Variants in PLCH2 observed in about 807,000 individuals in gnomAD.
PLCH2 encodes phospholipase C eta 2, also known as 1-phosphatidylinositol 4,5-bisphosphate phosphodiesterase eta-2.
In PLCH2, 98 loss-of-function variants were observed where a neutral mutation model predicts 134.7. That is an observed-to-expected ratio of 0.73 (90% confidence interval 0.62 to 0.86). The LOEUF (loss-of-function observed/expected upper bound fraction) is 0.86. PLCH2 is among the 40% of genes least tolerant of loss of function. The pLI is 0.00. For synonymous variants in PLCH2, 974 were observed against 827.5 expected (o/e 1.18, Z -3.04); for missense variants, 1,994 against 1,986.6 (o/e 1.00, Z -0.07).
At chr1:2,499,576 G>A (rs1643098457) in intron 19 of PLCH2, 65 bp from the exon 20 acceptor site, 1 of 1,211,018 alleles carries the variant, frequency 8.3e-7, no homozygotes, top group Non-Finnish European at 1.2e-6. Flanking sequence ...TAGAATGGGG[G>A]GCAGAGCAGG....
intron 21 of PLCH2, chr1:2,503,491 C>T (rs1643351125): frequency 3.1e-6 from 2 of 640,546 alleles, no homozygotes; most frequent in African/African-American, 3.6e-5. Context: ...TGAAGCACCC[C>T]ACTAGAAGGG....
intron 2 of PLCH2, among the ~76,000 whole-genome samples, chr1:2,460,742 G>A (rs991200608): frequency 6.6e-6 from 1 of 152,138 alleles, no homozygotes; most frequent in African/African-American, 2.4e-5. Context: ...CTGCCTGTGG[G>A]GCCAAGGCTG....
chr1:2,484,768 GC>G (rs1642202300), intron 5 of PLCH2, 150 bp downstream of exon 5: 3 of 821,692 alleles, frequency 3.7e-6, no homozygotes, highest in African/African-American at 1.7e-5. Flanking sequence ...TCATGCCCCT[GC>G]TCTGAGATGG....
intron 5 of PLCH2, among the ~76,000 whole-genome samples, chr1:2,485,677 C>T (rs967326726): frequency 2.0e-5 from 3 of 152,048 alleles, no homozygotes; most frequent in Non-Finnish European, 4.4e-5. Context: ...CTACTGGCCT[C>T]GGCCTGGGGG....
At chr1:2,488,816 AG>A (rs879823138) in intron 8 of PLCH2, among the ~76,000 whole-genome samples, 23 of 152,212 alleles carry the variant, frequency 1.5e-4, no homozygotes, top group Non-Finnish European at 2.5e-4. Flanking sequence ...CTAGGTCAAA[AG>A]GATTCTATTT....
rs765045797 is a variant in PLCH2, at chr1:2,476,620, G to A, written c.32G>A (p.Arg11Gln). 9.1e-5 allele frequency: 146 copies of A among 1,596,314 alleles called. No homozygotes were observed. Among genetic ancestry groups the A allele is most frequent in the Middle Eastern group, 5.5e-4 (3 of 5,468 alleles). The change falls in exon 1 of 22, where the codon CGG becomes CAG. Residue 11 changes from arginine to glutamine, a missense_variant. Physicochemically the swap from Arg to Gln is conservative, Grantham distance 43. Coordinates refer to ENST00000378486, the MANE Select transcript of PLCH2 (RefSeq NM_014638.4). MSGPWPSPDSRTKGTVAWLAE... is the reference protein window; with the variant it reads MSGPWPSPDSQTKGTVAWLAE... ...GGTCCATGGCCCTCCCCCGACAGCC[G>A]GACCAAGGGAACGGTGGCCTGGCTG... is the stretch of plus-strand genomic sequence containing the variant.
chr1:2,472,440 G>A (rs1169243824), upstream of PLCH2, among the ~76,000 whole-genome samples: 1 of 152,226 alleles, frequency 6.6e-6, no homozygotes, highest in Non-Finnish European at 1.5e-5. Flanking sequence ...GGGCTGCGAG[G>A]GGCAGGGGGG....
intron 20 of PLCH2, chr1:2,500,368 T>C (rs1172905037): frequency 2.0e-5 from 3 of 153,372 alleles, no homozygotes; most frequent in Non-Finnish European, 4.4e-5. Context: ...TCTCCTGCCA[T>C]GCTCTCGGGC....
At chr1:2,503,285 T>C (rs983917776) in intron 21 of PLCH2, 5 of 560,830 alleles carry the variant, frequency 8.9e-6, no homozygotes, top group Non-Finnish European at 1.6e-5. Flanking sequence ...CCCTGATGCC[T>C]TTCCTGGGAC....
At chr1:2,487,055 AGGGCCCAACCTGT>A in intron 6 of PLCH2, 55 bp downstream of exon 6, 1 of 1,530,730 alleles carries the variant, frequency 6.5e-7, no homozygotes, top group South Asian at 1.2e-5. Context: ...AGGGGCAACG[AGGGCCCAACCTGT>A]GGGCCGGGAC....
In PLCH2 at chr1:2,502,325, G is replaced by C; in HGVS notation, c.2875G>C (p.Val959Leu). The C allele has an allele frequency of 6.5e-7, 1 of 1,535,798 alleles. No individual in the cohort carries two copies. Among genetic ancestry groups the C allele is most frequent in the Non-Finnish European group, 8.8e-7 (1 of 1,141,732 alleles). ...TACACGGGACACAGGCTCCAAGGGGGTGGCAGACGATGTGGTGCCCCCCGG... is the reference window on the plus strand; with the variant it reads ...TACACGGGACACAGGCTCCAAGGGGCTGGCAGACGATGTGGTGCCCCCCGG... ...LGTRDTGSKG[V>L]ADDVVPPGPG... The change falls in exon 21 of 22, where the codon GTG (valine) becomes CTG (leucine). Residue 959 changes from valine to leucine, a missense_variant. Val to Leu is a conservative substitution (Grantham distance 32). Around this residue, in one of 2 missense-constraint regions of PLCH2, gnomAD observed 900 missense variants for 752.3 expected, o/e 1.20. Coordinates refer to ENST00000378486, the MANE Select transcript of PLCH2 (RefSeq NM_014638.4).
At chr1:2,424,090 G>T (rs1252566757), upstream of PLCH2, among the ~76,000 whole-genome samples, 2 of 152,120 alleles carry the variant, frequency 1.3e-5, no homozygotes. Flanking sequence ...ATATTTGACA[G>T]ATTATAGTTG....
intron 2 of PLCH2, among the ~76,000 whole-genome samples, chr1:2,431,885 G>C (rs1639088974): frequency 6.6e-6 from 1 of 152,110 alleles, no homozygotes; most frequent in East Asian, 1.9e-4. Flanking sequence ...TCTTGGTTGA[G>C]CCGGAATCGT....
In PLCH2 at chr1:2,476,768, G is replaced by T. The variant is rs1424973174; in HGVS notation, c.124+56G>T. On this transcript the variant is annotated intron_variant, in intron 1 of 21. Transcript: ENST00000378486. ...GAGTGCTGGCCCTGGCCAGGTGACT[G>T]GTGGGTGGGGGCTGTTCCTGGAGGT... is the stretch of plus-strand genomic sequence containing the variant. The T allele has an allele frequency of 4.6e-6, 7 of 1,515,220 alleles. No individual in the cohort carries two copies. In the Admixed American group the frequency reaches 1.3e-4, roughly 27 times the overall value. The allele number at this position is 1,515,220 out of a possible 1,614,324, so 93.9% of individuals were successfully genotyped here.
upstream of PLCH2, among the ~76,000 whole-genome samples, chr1:2,463,457 C>T (rs921330458): frequency 6.6e-5 from 10 of 152,252 alleles, no homozygotes; most frequent in Non-Finnish European, 1.5e-4. Context: ...CTGAACGGGG[C>T]TGCAGCCGAG....
chr1:2,475,035 C>G (rs577611479), upstream of PLCH2, among the ~76,000 whole-genome samples: 1 of 152,198 alleles, frequency 6.6e-6, no homozygotes, highest in African/African-American at 2.4e-5. Context: ...CTGCTTCCGC[C>G]GAGAGCAGCA....
At chr1:2,478,646 G>A (rs1344732465) in intron 2 of PLCH2, 24 bp downstream of exon 2, 3 of 1,591,420 alleles carry the variant, frequency 1.9e-6, no homozygotes. Flanking sequence ...CTGGGGTGGG[G>A]ACAAATCAGA....
At chr1:2,499,368 G>A in intron 19 of PLCH2, 138 bp downstream of exon 19, 1 of 1,121,498 alleles carries the variant, frequency 8.9e-7, no homozygotes, top group South Asian at 1.5e-5. Flanking sequence ...GAGGACGGGA[G>A]GAGAGCCAGC....
At chr1:2,417,642 G>A in the PLCH2 span, among the ~76,000 whole-genome samples, 1 of 152,220 alleles carries the variant, frequency 6.6e-6, no homozygotes, top group African/African-American at 2.4e-5. Context: ...CATAGCCTGG[G>A]CTGTGCTGAG....
Sources: allele counts gnomAD v4.1 joint callset (sites outside exome capture counted in the v4.1 genomes callset), GRCh38; gene constraint gnomAD v4.1.1; regional missense constraint gnomAD v4.1.1; transcripts MANE v1.5; gene names NCBI Gene and HGNC (gene_info 2026-07-23, HGNC 2026-07-21).